Variants in CCDC85A observed in about 807,000 individuals in gnomAD.
The protein encoded by CCDC85A is coiled-coil domain-containing protein 85A.
In CCDC85A, 38 loss-of-function variants were observed where a neutral mutation model predicts 50.2. The ratio of observed to expected loss-of-function variants is 0.76; its 90% CI spans 0.58 to 0.99. The LOEUF (loss-of-function observed/expected upper bound fraction) is 0.99, where lower values mean the gene tolerates loss of function less well. Ranked by LOEUF, CCDC85A falls within the 50% of genes least tolerant of loss-of-function variation. The pLI, the probability that CCDC85A is intolerant of heterozygous loss-of-function variation, is 0.00. For missense variants in CCDC85A, 820 were observed against 742.0 expected, an observed-to-expected ratio of 1.11 and a Z score of -1.22; for synonymous variants, 366 against 301.4, an observed-to-expected ratio of 1.21 and a Z score of -2.22.
At chr2:56,269,509 G>T (rs1670606553) in intron 2 of CCDC85A, among the ~76,000 whole-genome samples, 2 of 152,184 alleles carry the variant, frequency 1.3e-5, no homozygotes, top group East Asian at 3.9e-4. Context: ...CCTTACAAGT[G>T]TGGGTCCCAA....
At chr2:56,248,961 G>A (rs574483364) in intron 2 of CCDC85A, among the ~76,000 whole-genome samples, 55 of 152,350 alleles carry the variant, frequency 3.6e-4, no homozygotes, top group African/African-American at 1.3e-3. Context: ...TGCCTGTATT[G>A]GCAAGAACAG....
intron 2 of CCDC85A, among the ~76,000 whole-genome samples, chr2:56,261,150 C>G (rs367868404): frequency 1.4e-4 from 21 of 152,276 alleles, no homozygotes; most frequent in African/African-American, 5.1e-4. Context: ...TTTCTCATCT[C>G]TTAAGTGGGG....
Position 56,248,724 on chromosome 2 carries a change from C to A in CCDC85A, c.1240+55284C>A, listed in dbSNP as rs532438121. 2.6e-5 allele frequency among the ~76,000 whole-genome samples: 4 copies of A among 152,250 alleles called. No homozygotes were observed. The South Asian group carries it at 8.3e-4, about 32-fold the overall frequency. On this transcript the variant is annotated intron_variant, in intron 2 of 5. Coordinates refer to ENST00000407595, the MANE Select transcript of CCDC85A (RefSeq NM_001080433.2). ...AAGTTCATTTTTATCAAGCACTTTA[C>A]GTGGCAGGGCTGAGCTGAGTGCCAC...
intron 3 of CCDC85A, among the ~76,000 whole-genome samples, chr2:56,368,661 T>C (rs966486905): frequency 3.9e-5 from 6 of 152,128 alleles, no homozygotes; most frequent in Non-Finnish European, 5.9e-5. Flanking sequence ...TGGCCTTCTA[T>C]AGTGAATGAG....
intron 2 of CCDC85A, among the ~76,000 whole-genome samples, chr2:56,249,009 T>G (rs1669632484): frequency 6.6e-6 from 1 of 152,216 alleles, no homozygotes; most frequent in Admixed American, 6.5e-5. Context: ...GACTGTGACC[T>G]TCAGTCAAGG....
chr2:56,189,410 G>T (rs374050844), intron 1 of CCDC85A, among the ~76,000 whole-genome samples: 5 of 149,956 alleles, frequency 3.3e-5, no homozygotes, highest in Admixed American at 1.3e-4. Flanking sequence ...TCCTGCCTCA[G>T]GTTCCTGGGT....
intron 2 of CCDC85A, among the ~76,000 whole-genome samples, chr2:56,299,804 C>G (rs994369664): frequency 7.2e-4 from 109 of 152,278 alleles, no homozygotes; most frequent in African/African-American, 2.6e-3. Flanking sequence ...CTGCCACTGT[C>G]CTCAGGAAAT....
intron 3 of CCDC85A, among the ~76,000 whole-genome samples, chr2:56,367,504 G>C (rs1161275025): frequency 6.6e-6 from 1 of 152,116 alleles, no homozygotes; most frequent in African/African-American, 2.4e-5. Flanking sequence ...CTCTAAATCA[G>C]GGTTTCTCAA....
chr2:56,209,450 A>G (rs1481503847), intron 2 of CCDC85A, among the ~76,000 whole-genome samples: 2 of 119,176 alleles, frequency 1.7e-5, no homozygotes, highest in Admixed American at 1.8e-4. Flanking sequence ...TTTTTCTTTT[A>G]GCACTAAATG....
Position 56,276,537 on chromosome 2 carries a change from A to G in CCDC85A, c.1241-66342A>G, listed in dbSNP as rs11888448. ...GAGTCTCACGAGATCTGATGGTTTC[A>G]TGAGGGGAAACCCATTTAGCTTGGC... On this transcript the variant is annotated intron_variant, in intron 2 of 5. Coordinates refer to ENST00000407595, the MANE Select transcript of CCDC85A (RefSeq NM_001080433.2). Among the ~76,000 whole-genome samples the G allele has an allele frequency of 6.1e-3, 926 of 152,196 alleles. 8 individuals are homozygous for G. The highest frequency in any genetic ancestry group is 0.02 in the African/African-American group (850 of 41,506).
At chr2:56,297,363 G>A (rs1238879956) in intron 2 of CCDC85A, among the ~76,000 whole-genome samples, 1 of 150,184 alleles carries the variant, frequency 6.7e-6, no homozygotes, top group East Asian at 1.9e-4. Context: ...CTTTCTCTTA[G>A]GATCTTTGGA....
chr2:56,303,545 G>A (rs1672301009), intron 2 of CCDC85A, among the ~76,000 whole-genome samples: 1 of 152,044 alleles, frequency 6.6e-6, no homozygotes, highest in Non-Finnish European at 1.5e-5. Flanking sequence ...ATTTCCTAAA[G>A]GGCACCAAGC....
At chr2:56,276,933 A>C (rs1670974600) in intron 2 of CCDC85A, among the ~76,000 whole-genome samples, 1 of 152,170 alleles carries the variant, frequency 6.6e-6, no homozygotes, top group Admixed American at 6.5e-5. Flanking sequence ...GCATCTAGCC[A>C]GTGCTAACTA....
chr2:56,314,964 C>A (rs1672856043), intron 2 of CCDC85A, among the ~76,000 whole-genome samples: 1 of 152,082 alleles, frequency 6.6e-6, no homozygotes, highest in Non-Finnish European at 1.5e-5. Flanking sequence ...CCTTCCCTTC[C>A]CAGAGCCTGG....
chr2:56,326,838 A>AT (rs56350642), intron 2 of CCDC85A, among the ~76,000 whole-genome samples: 23,369 of 148,656 alleles, frequency 0.16, 1,926 homozygotes, highest in Admixed American at 0.23. Context: ...AAGGTGAAGT[A>AT]TTTTTTTTTT....
chr2:56,368,702 C>T (rs1675925714), intron 3 of CCDC85A, among the ~76,000 whole-genome samples: 1 of 151,966 alleles, frequency 6.6e-6, no homozygotes, highest in Admixed American at 6.6e-5. Context: ...GTTATAAGTG[C>T]ATTACATCTG....
chr2:56,304,577 A>G (rs556656162), intron 2 of CCDC85A, among the ~76,000 whole-genome samples: 2 of 152,292 alleles, frequency 1.3e-5, no homozygotes, highest in East Asian at 1.9e-4. Flanking sequence ...CCACAGTAAC[A>G]TTGTGATGAA....
chr2:56,240,600 T>A (rs1669215499), intron 2 of CCDC85A, among the ~76,000 whole-genome samples: 1 of 152,172 alleles, frequency 6.6e-6, no homozygotes, highest in Non-Finnish European at 1.5e-5. Context: ...CTCTATGGAT[T>A]TGCCTATTCT....
intron 2 of CCDC85A, among the ~76,000 whole-genome samples, chr2:56,217,647 T>C (rs1357126984): frequency 1.3e-5 from 2 of 151,992 alleles, no homozygotes; most frequent in East Asian, 3.9e-4. Context: ...GTGCTTTTTT[T>C]TCTAAAGGCA....
Sources: allele counts gnomAD v4.1 joint callset (sites outside exome capture counted in the v4.1 genomes callset), GRCh38; gene constraint gnomAD v4.1.1; transcripts MANE v1.5; gene names NCBI Gene and HGNC (gene_info 2026-07-23, HGNC 2026-07-21).